Variants in RGS7 observed in about 807,000 individuals in gnomAD.
RGS7 encodes regulator of G-protein signaling 7.
In RGS7, 27 loss-of-function variants were observed where a neutral mutation model predicts 81.1. The ratio of observed to expected loss-of-function variants is 0.33; its 90% CI spans 0.25 to 0.46. RGS7 has a LOEUF of 0.46. Ranked by LOEUF, RGS7 falls within the 20% of genes least tolerant of loss-of-function variation. The pLI is 1.00. For synonymous variants in RGS7, 208 were observed against 207.7 expected (o/e 1.00, Z -0.01); for missense variants, 396 against 607.4 (o/e 0.65, Z 3.66).
At chr1:241,146,601 A>G (rs2068327335) in intron 2 of RGS7, among the ~76,000 whole-genome samples, 2 of 152,230 alleles carry the variant, frequency 1.3e-5, no homozygotes, top group African/African-American at 2.4e-5. Flanking sequence ...GGATTTAGGG[A>G]CAAGATTCCC....
At chr1:241,238,459 T>C (rs1280837338) in intron 2 of RGS7, among the ~76,000 whole-genome samples, 1 of 152,176 alleles carries the variant, frequency 6.6e-6, no homozygotes, top group Non-Finnish European at 1.5e-5. Context: ...AACACCTTTA[T>C]TACATACACA....
intron 2 of RGS7, among the ~76,000 whole-genome samples, chr1:241,186,078 G>A (rs1360338929): frequency 7.2e-5 from 11 of 152,104 alleles, no homozygotes; most frequent in Admixed American, 7.2e-4. Context: ...TTTCTAGCCA[G>A]ATTGACCAAG....
chr1:241,008,697 G>C (rs1387718343), intron 3 of RGS7, among the ~76,000 whole-genome samples: 1 of 152,088 alleles, frequency 6.6e-6, no homozygotes, highest in Non-Finnish European at 1.5e-5. Context: ...CCCATCACTT[G>C]AGGCCAGGAG....
At chr1:240,784,697 G>C (rs1393595863) in intron 18 of RGS7, among the ~76,000 whole-genome samples, 2 of 147,240 alleles carry the variant, frequency 1.4e-5, no homozygotes, top group African/African-American at 5.1e-5. Context: ...CTCCATTTTC[G>C]CTATCCTTTT....
At chr1:240,830,649 T>C (rs1693679260) in intron 9 of RGS7, among the ~76,000 whole-genome samples, 1 of 152,230 alleles carries the variant, frequency 6.6e-6, no homozygotes, top group South Asian at 2.1e-4. Flanking sequence ...ACCCTTCAAA[T>C]AGGTTTCTGA....
intron 2 of RGS7, among the ~76,000 whole-genome samples, chr1:241,162,332 G>A (rs2069789150): frequency 6.6e-6 from 1 of 151,720 alleles, no homozygotes; most frequent in Non-Finnish European, 1.5e-5. Flanking sequence ...CGCTCTGCTG[G>A]TAAGGGAAAA....
At chr1:241,114,657 A>G (rs2065773197) in intron 2 of RGS7, among the ~76,000 whole-genome samples, 1 of 152,190 alleles carries the variant, frequency 6.6e-6, no homozygotes, top group Non-Finnish European at 1.5e-5. Flanking sequence ...TTGTTGAACA[A>G]CTTTTCAGAA....
intron 2 of RGS7, among the ~76,000 whole-genome samples, chr1:241,225,504 C>T (rs1573224931): frequency 6.6e-6 from 1 of 152,208 alleles, no homozygotes; most frequent in Admixed American, 6.5e-5. Context: ...ACGTTCACTG[C>T]TGTATCCTCA....
At chr1:241,137,847 G>A (rs973975306) in intron 2 of RGS7, among the ~76,000 whole-genome samples, 6 of 152,188 alleles carry the variant, frequency 3.9e-5, no homozygotes, top group African/African-American at 1.4e-4. Flanking sequence ...GCCTTCATGT[G>A]AAAAGATCAT....
intron 9 of RGS7, among the ~76,000 whole-genome samples, chr1:240,863,804 G>A (rs1662706879): frequency 6.6e-6 from 1 of 152,106 alleles, no homozygotes; most frequent in African/African-American, 2.4e-5. Context: ...TATAAATACA[G>A]CTATTTTTTC....
At chr1:241,320,535 C>T (rs1368210837) in intron 2 of RGS7, among the ~76,000 whole-genome samples, 15 of 152,154 alleles carry the variant, frequency 9.9e-5, no homozygotes, top group Admixed American at 8.5e-4. Context: ...CTGTTTGACT[C>T]GAGTAGTAAA....
At chr1:240,862,586 G>A (rs1662416179) in intron 9 of RGS7, among the ~76,000 whole-genome samples, 1 of 152,024 alleles carries the variant, frequency 6.6e-6, no homozygotes, top group South Asian at 2.1e-4. Flanking sequence ...TGTAATAGCA[G>A]AACTGTGAAA....
chr1:240,921,637 A>G (rs755684379), intron 6 of RGS7, among the ~76,000 whole-genome samples: 2 of 152,160 alleles, frequency 1.3e-5, no homozygotes, highest in Non-Finnish European at 2.9e-5. Flanking sequence ...AAATTGAAAT[A>G]TGAATTTCAA....
chr1:241,228,203 C>T (rs1465661432), intron 2 of RGS7, among the ~76,000 whole-genome samples: 1 of 152,058 alleles, frequency 6.6e-6, no homozygotes, highest in African/African-American at 2.4e-5. Context: ...TCAGGTGAGC[C>T]CAGCGTTCTG....
intron 3 of RGS7, among the ~76,000 whole-genome samples, chr1:241,005,789 C>T (rs1474351175): frequency 6.6e-6 from 1 of 152,168 alleles, no homozygotes; most frequent in Non-Finnish European, 1.5e-5. Flanking sequence ...CCCGCCTTGG[C>T]CTCCCAAAGT....
At chr1:241,193,264 A>T (rs1035167159) in intron 2 of RGS7, among the ~76,000 whole-genome samples, 2 of 152,172 alleles carry the variant, frequency 1.3e-5, no homozygotes, top group African/African-American at 4.8e-5. Flanking sequence ...GAATTATTCA[A>T]ACCTAATTCT....
chr1:241,155,895 T>G (rs1223765782), intron 2 of RGS7, among the ~76,000 whole-genome samples: 3 of 152,190 alleles, frequency 2.0e-5, no homozygotes, highest in Non-Finnish European at 4.4e-5. Flanking sequence ...TTTTGGGTTG[T>G]CTCTTCTCCG....
chr1:241,072,846 T>C (rs1388644458), intron 3 of RGS7, among the ~76,000 whole-genome samples: 1 of 152,222 alleles, frequency 6.6e-6, no homozygotes, highest in Non-Finnish European at 1.5e-5. Flanking sequence ...TGTATTTACA[T>C]GCCTTTTCTA....
At chr1:240,822,301 G>C (rs1691944920) in intron 10 of RGS7, among the ~76,000 whole-genome samples, 1 of 152,108 alleles carries the variant, frequency 6.6e-6, no homozygotes, top group Admixed American at 6.5e-5. Flanking sequence ...AAGATGTACA[G>C]ATTTGAAAAA....
Sources: allele counts gnomAD v4.1 joint callset (sites outside exome capture counted in the v4.1 genomes callset), GRCh38; gene constraint gnomAD v4.1.1; transcripts MANE v1.5; gene names NCBI Gene and HGNC (gene_info 2026-07-23, HGNC 2026-07-21).